TUBD1: variants seen among roughly 807,000 people sequenced by gnomAD.
TUBD1 encodes tubulin delta 1, also known as tubulin delta chain.
Under a neutral mutation model 51.2 loss-of-function variants are expected in TUBD1, and 38 were observed. The observed-to-expected ratio is 0.74, with a 90% CI of 0.57 to 0.97. TUBD1 has a LOEUF of 0.97. Ranked by LOEUF, TUBD1 falls within the 50% of genes least tolerant of loss-of-function variation. The probability of loss-of-function intolerance (pLI) is 0.00; values close to 1 mark genes in which losing one functional copy is unlikely to be tolerated. For synonymous variants in TUBD1, 169 were observed against 178.2 expected (o/e 0.95, Z 0.41); for missense variants, 489 against 538.4 (o/e 0.91, Z 0.91).
chr17:59,863,426 T>C (rs2039552486), intron 8 of TUBD1, among the ~76,000 whole-genome samples: 1 of 151,864 alleles, frequency 6.6e-6, no homozygotes, highest in Admixed American at 6.6e-5. Flanking sequence ...CTGAGCAACA[T>C]GGTGAAACCC....
chr17:59,882,199 A>T (rs2040519371), intron 3 of TUBD1, among the ~76,000 whole-genome samples: 1 of 151,998 alleles, frequency 6.6e-6, no homozygotes, highest in African/African-American at 2.4e-5. Context: ...GGCATGAGCC[A>T]CTGAGCCCAG....
intron 3 of TUBD1, chr17:59,885,608 A>G: frequency 2.1e-6 from 2 of 939,518 alleles, no homozygotes; most frequent in Non-Finnish European, 1.7e-6. Context: ...CATTCCTAGA[A>G]ATTTAACCTT....
intron 3 of TUBD1, 107 bp from the exon 4 acceptor site, chr17:59,881,217 A>C: frequency 1.1e-6 from 1 of 907,046 alleles, no homozygotes; most frequent in Non-Finnish European, 1.7e-6. Flanking sequence ...AAACTACGGA[A>C]GTGAAGGAAC....
At chr17:59,868,340 A>T (rs2039811521) in intron 6 of TUBD1, among the ~76,000 whole-genome samples, 1 of 151,386 alleles carries the variant, frequency 6.6e-6, no homozygotes, top group Admixed American at 6.6e-5. Flanking sequence ...CCTGGATCAC[A>T]TATTCTCCCT....
In TUBD1 at chr17:59,886,248, C is replaced by T; in HGVS notation, c.173-18G>A. ...AATTGGAACTAGAGGGGGAAAAAAA[C>T]CCAAAAACATCGAAAGAAAAAAAGA... is the stretch of plus-strand genomic sequence containing the variant. On this transcript the variant is annotated intron_variant, in intron 2 of 8. Transcript: ENST00000325752. 6.3e-7 allele frequency: 1 copy of T among 1,595,026 alleles called. No individual in the cohort carries two copies. Among genetic ancestry groups the T allele is most frequent in the African/African-American group, 1.4e-5 (1 of 73,688 alleles).
chr17:59,889,086 G>A (rs2040866208), intron 2 of TUBD1, among the ~76,000 whole-genome samples: 1 of 139,636 alleles, frequency 7.2e-6, no homozygotes, highest in Admixed American at 7.6e-5. Context: ...CGAGATCTCG[G>A]CTCACTGCAA....
intron 1 of TUBD1, among the ~76,000 whole-genome samples, 197 bp from the exon 2 acceptor site, chr17:59,891,238 C>T (rs1270602241): frequency 1.3e-5 from 2 of 152,162 alleles, no homozygotes; most frequent in Non-Finnish European, 2.9e-5. Context: ...TCAAGCGATT[C>T]TCCTGCCTCA....
intron 7 of TUBD1, among the ~76,000 whole-genome samples, chr17:59,864,646 C>T (rs1030212659): frequency 1.3e-5 from 2 of 151,058 alleles, no homozygotes; most frequent in African/African-American, 4.9e-5. Context: ...GGACTACAGG[C>T]ACACGCCACC....
At chr17:59,889,228 G>A (rs2040873897) in intron 2 of TUBD1, among the ~76,000 whole-genome samples, 1 of 150,576 alleles carries the variant, frequency 6.6e-6, no homozygotes, top group Non-Finnish European at 1.5e-5. Context: ...TGGCCAGGCT[G>A]GTCTCTAACT....
At position 59,866,612 on chromosome 17, in the gene TUBD1, C is replaced by T; in HGVS notation, c.1072G>A (p.Val358Met). Residue 358 changes from valine to methionine, a missense_variant, in exon 7 of 9, where the codon GTG (valine) becomes ATG (methionine). Physicochemically the swap from Val to Met is conservative, Grantham distance 21. Coordinates refer to ENST00000325752, the MANE Select transcript of TUBD1 (RefSeq NM_016261.4). ...AATTTTCACCTGAATTTCTTACCCACATCTGCACTTTGCACATCTTTCCCA... is the reference window on the plus strand; with the variant it reads ...AATTTTCACCTGAATTTCTTACCCATATCTGCACTTTGCACATCTTTCCCA... ...LRGKDVQSADVEGFKDPALYT... is the reference protein window; with the variant it reads ...LRGKDVQSADMEGFKDPALYT... The T allele has an allele frequency of 3.7e-6, 6 of 1,613,922 alleles. No individual in the cohort carries two copies. The highest frequency in any genetic ancestry group is 5.1e-6 in the Non-Finnish European group (6 of 1,179,952).
At chr17:59,886,314 TC>T in intron 2 of TUBD1, 84 bp from the exon 3 acceptor site, 1 of 1,254,180 alleles carries the variant, frequency 8.0e-7, no homozygotes, top group Non-Finnish European at 1.1e-6. Context: ...CATCTAAGTG[TC>T]CAAATCCAAA....
intron 6 of TUBD1, among the ~76,000 whole-genome samples, chr17:59,873,586 C>T (rs1006239549): frequency 7.9e-5 from 12 of 151,910 alleles, no homozygotes; most frequent in African/African-American, 1.4e-4. Flanking sequence ...AGATATAGGC[C>T]GGGCGCAGTG....
chr17:59,886,457 G>T, intron 2 of TUBD1: 1 of 449,216 alleles, frequency 2.2e-6, no homozygotes, highest in Non-Finnish European at 3.9e-6. Context: ...AATCAGTGTG[G>T]GCCTAAAAGA....
At chr17:59,873,248 T>C (rs200575429) in intron 6 of TUBD1, among the ~76,000 whole-genome samples, 2 of 104,556 alleles carry the variant, frequency 1.9e-5, no homozygotes, top group Non-Finnish European at 4.5e-5. Flanking sequence ...TAAGTTGTTT[T>C]TTGTTGTTGT....
chr17:59,878,354 A>C lies in TUBD1; in HGVS notation c.538-20T>G, dbSNP rs79494945. 3.2e-6 allele frequency: 5 copies of C among 1,558,084 alleles called. No homozygotes were observed. In the South Asian group the frequency reaches 5.6e-5, roughly 17 times the overall value. ...AATAACCTGGAGAGGAAAAGGTCAGAAAAAAGAAAGGTAGGAGAGAATAAT... is the reference window on the plus strand; with the variant it reads ...AATAACCTGGAGAGGAAAAGGTCAGCAAAAAGAAAGGTAGGAGAGAATAAT... On this transcript the variant is annotated intron_variant, in intron 4 of 8. Coordinates refer to ENST00000325752, the MANE Select transcript of TUBD1 (RefSeq NM_016261.4).
chr17:59,891,304 T>C (rs1228638620), intron 1 of TUBD1, among the ~76,000 whole-genome samples: 2 of 151,842 alleles, frequency 1.3e-5, no homozygotes, highest in African/African-American at 4.8e-5. Context: ...CTAATTTTTG[T>C]ATTCTTAGTA....
At chr17:59,877,784 A>T (rs924010811) in intron 5 of TUBD1, among the ~76,000 whole-genome samples, 2 of 152,060 alleles carry the variant, frequency 1.3e-5, no homozygotes, top group Non-Finnish European at 2.9e-5. Flanking sequence ...TCTCAAAAAA[A>T]AAAAAAAAAT....
Position 59,874,544 on chromosome 17 carries a change from T to G in TUBD1, c.929A>C (p.Glu310Ala), listed in dbSNP as rs772313484. ...ATTTTTGGACTACTCTTTACCTTCT[T>G]CCATCTTTGCATTAGAAATGAGCAT... ...RQMLISNAKM[E>A]EGIDRHVWPP... The change falls in exon 6 of 9, where the codon GAA (glutamate) becomes GCA (alanine). Residue 310 changes from glutamate (E) to alanine (A), a missense_variant. Transcript: ENST00000325752. The G allele has an allele frequency of 3.1e-6, 5 of 1,611,354 alleles. No individual in the cohort carries two copies. Among genetic ancestry groups the G allele is most frequent in the Non-Finnish European group, 3.4e-6 (4 of 1,179,540 alleles).
rs2040138847 is a variant in TUBD1 at position 59,874,538 on chromosome 17, C to T, written c.934+1G>A. 6.2e-7 allele frequency: 1 copy of T among 1,610,304 alleles called. No individual in the cohort carries two copies. Among genetic ancestry groups the T allele is most frequent in the Admixed American group, 1.7e-5 (1 of 58,836 alleles). ...CTGCATATTTTTGGACTACTCTTTA[C>T]CTTCTTCCATCTTTGCATTAGAAAT... On this transcript the variant is annotated splice_donor_variant, in intron 6 of 8. Coordinates refer to ENST00000325752, the MANE Select transcript of TUBD1 (RefSeq NM_016261.4). LOFTEE classifies it high-confidence loss of function.
Sources: allele counts gnomAD v4.1 joint callset (sites outside exome capture counted in the v4.1 genomes callset), GRCh38; gene constraint gnomAD v4.1.1; transcripts MANE v1.5; gene names NCBI Gene and HGNC (gene_info 2026-07-23, HGNC 2026-07-21).